Variants in TTC39B observed in about 807,000 individuals in gnomAD.
TTC39B encodes tetratricopeptide repeat domain 39B.
A neutral mutation model predicts 96.6 loss-of-function variants in TTC39B; 92 were observed. The observed-to-expected ratio is 0.95, with a 90% CI of 0.80 to 1.13. The LOEUF (loss-of-function observed/expected upper bound fraction) is 1.13, where lower values mean the gene tolerates loss of function less well. Among genes scored for constraint, TTC39B ranks in the 50% most tolerant of loss-of-function variants. The pLI, the probability that TTC39B is intolerant of heterozygous loss-of-function variation, is 0.00. For synonymous variants in TTC39B, 367 were observed against 299.4 expected (o/e 1.23, Z -2.33); for missense variants, 955 against 809.3 (o/e 1.18, Z -2.18).
chr9:15,258,563 G>A (rs1822836293), intron 2 of TTC39B, among the ~76,000 whole-genome samples: 1 of 152,208 alleles, frequency 6.6e-6, no homozygotes, highest in Admixed American at 6.5e-5. Context: ...CAGCAGCCAT[G>A]TCAAGAAGGT....
At chr9:15,237,141 G>A (rs1047870688) in intron 2 of TTC39B, among the ~76,000 whole-genome samples, 51 of 152,180 alleles carry the variant, frequency 3.4e-4, no homozygotes, top group African/African-American at 1.1e-3. Context: ...ATGGCGAAAC[G>A]TCATCTCCAT....
intron 2 of TTC39B, chr9:15,250,187 C>A: frequency 8.4e-7 from 1 of 1,183,624 alleles, no homozygotes; most frequent in Non-Finnish European, 1.1e-6. Flanking sequence ...GTTAAAGTGG[C>A]AGCTACACTC....
chr9:15,219,913 G>C (rs577527185), intron 3 of TTC39B, among the ~76,000 whole-genome samples: 1 of 152,268 alleles, frequency 6.6e-6, no homozygotes, highest in Admixed American at 6.5e-5. Context: ...TCCATTCAGA[G>C]CTATGTCAAA....
intron 8 of TTC39B, among the ~76,000 whole-genome samples, chr9:15,199,496 G>C (rs1429026804): frequency 6.6e-6 from 1 of 151,970 alleles, no homozygotes; most frequent in Non-Finnish European, 1.5e-5. Flanking sequence ...AGCACTTTGG[G>C]AGGCTGAGGC....
intron 1 of TTC39B, among the ~76,000 whole-genome samples, chr9:15,299,628 C>T (rs1193549717): frequency 1.3e-5 from 2 of 152,126 alleles, no homozygotes; most frequent in Non-Finnish European, 2.9e-5. Flanking sequence ...CCACAGGAGT[C>T]CCCAGGTACT....
intron 2 of TTC39B, among the ~76,000 whole-genome samples, chr9:15,248,571 G>A (rs1822387562): frequency 6.6e-6 from 1 of 152,018 alleles, no homozygotes; most frequent in Non-Finnish European, 1.5e-5. Flanking sequence ...CCCAGAGCCT[G>A]GCAAGAGCTT....
At chr9:15,232,020 A>G (rs1196068336) in intron 2 of TTC39B, among the ~76,000 whole-genome samples, 1 of 152,020 alleles carries the variant, frequency 6.6e-6, no homozygotes, top group African/African-American at 2.4e-5. Flanking sequence ...TGAGCTCGTC[A>G]CTGTGATACT....
chr9:15,175,628 GA>G lies in TTC39B; in HGVS notation c.1842-494del, dbSNP rs921554019. Among the ~76,000 whole-genome samples, 57 of 151,786 alleles carry G rather than the reference GA, an allele frequency of 3.8e-4. 1 individual carries two copies. The highest frequency in any genetic ancestry group is 5.8e-4 in the African/African-American group (24 of 41,416). On this transcript the variant is annotated intron_variant, in intron 18 of 19. Transcript: ENST00000512701. ...TGGTTATAAAACATGTAAAAGCAATGAAAAAAAATACAACTAACACCATTTC... is the reference window on the plus strand; with the variant it reads ...TGGTTATAAAACATGTAAAAGCAATGAAAAAAATACAACTAACACCATTTC...
chr9:15,254,872 CTTT>C (rs34040951), intron 2 of TTC39B, among the ~76,000 whole-genome samples: 7,178 of 142,044 alleles, frequency 0.051, 580 homozygotes, highest in African/African-American at 0.17. Flanking sequence ...AACACACACA[CTTT>C]TTTTTTTTTT....
chr9:15,234,320 C>T (rs1448910140), intron 2 of TTC39B, among the ~76,000 whole-genome samples: 1 of 148,086 alleles, frequency 6.8e-6, no homozygotes, highest in East Asian at 2.0e-4. Flanking sequence ...GGGGGTCAGC[C>T]CCCCGCCCAG....
intron 1 of TTC39B, among the ~76,000 whole-genome samples, chr9:15,295,677 T>G (rs1824348346): frequency 6.6e-6 from 1 of 152,264 alleles, no homozygotes; most frequent in Non-Finnish European, 1.5e-5. Context: ...TAGTAGTACC[T>G]TCTATGTGTC....
chr9:15,254,081 A>C (rs184382072), intron 2 of TTC39B, among the ~76,000 whole-genome samples: 50 of 152,108 alleles, frequency 3.3e-4, no homozygotes, highest in African/African-American at 1.0e-3. Context: ...TGTCCCCTTA[A>C]AATAGCTTAA....
chr9:15,239,741 C>T (rs1297192196), intron 2 of TTC39B, among the ~76,000 whole-genome samples: 1 of 152,098 alleles, frequency 6.6e-6, no homozygotes, highest in Admixed American at 6.5e-5. Context: ...AAATAACAGA[C>T]ACTTGGTACT....
chr9:15,208,652 T>C (rs1225181978), intron 6 of TTC39B, among the ~76,000 whole-genome samples: 1 of 152,158 alleles, frequency 6.6e-6, no homozygotes, highest in Non-Finnish European at 1.5e-5. Context: ...TTCTTACAAA[T>C]AGTTGGAGGT....
intron 10 of TTC39B, among the ~76,000 whole-genome samples, 177 bp from the exon 11 acceptor site, chr9:15,190,839 C>T (rs1818818698): frequency 6.6e-6 from 1 of 152,146 alleles, no homozygotes; most frequent in African/African-American, 2.4e-5. Context: ...TCATACTCAA[C>T]AGGTAGTTTT....
At chr9:15,302,987 G>A (rs1461936880) in intron 1 of TTC39B, among the ~76,000 whole-genome samples, 3 of 152,108 alleles carry the variant, frequency 2.0e-5, no homozygotes, top group Non-Finnish European at 4.4e-5. Flanking sequence ...GGCCAACATG[G>A]TGAAACCCCG....
chr9:15,243,708 T>TAAA (rs1188660080), intron 2 of TTC39B, among the ~76,000 whole-genome samples: 1 of 152,056 alleles, frequency 6.6e-6, no homozygotes, highest in Non-Finnish European at 1.5e-5. Flanking sequence ...CCAGAACTTC[T>TAAA]AGACTAGCCT....
At chr9:15,263,198 T>A (rs543562680) in intron 2 of TTC39B, among the ~76,000 whole-genome samples, 6 of 152,182 alleles carry the variant, frequency 3.9e-5, no homozygotes, top group Non-Finnish European at 8.8e-5. Context: ...ATAGACATTT[T>A]ATGTCTCCTA....
chr9:15,233,773 GCCA>G (rs1821584264), intron 2 of TTC39B, among the ~76,000 whole-genome samples: 1 of 152,174 alleles, frequency 6.6e-6, no homozygotes, highest in Admixed American at 6.5e-5. Flanking sequence ...CTGCCCGGCC[GCCA>G]CCCCGTCTGG....
Sources: allele counts gnomAD v4.1 joint callset (sites outside exome capture counted in the v4.1 genomes callset), GRCh38; gene constraint gnomAD v4.1.1; transcripts MANE v1.5; gene names NCBI Gene and HGNC (gene_info 2026-07-23, HGNC 2026-07-21).